The following PSMD1 variants were observed in gnomAD, a reference collection of about 807,000 sequenced individuals.
PSMD1 encodes the protein proteasome 26S subunit, non-ATPase 1.
In PSMD1, 18 loss-of-function variants were observed where a neutral mutation model predicts 119.0. The observed-to-expected ratio is 0.15, with a 90% CI of 0.10 to 0.22. The LOEUF (loss-of-function observed/expected upper bound fraction) is 0.22. Ranked by LOEUF, PSMD1 falls within the 10% of genes least tolerant of loss-of-function variation. The pLI, the probability that PSMD1 is intolerant of heterozygous loss-of-function variation, is 1.00. For missense variants in PSMD1, 702 were observed against 1,158.5 expected, an observed-to-expected ratio of 0.61 and a Z score of 5.72; for synonymous variants, 374 against 396.6, an observed-to-expected ratio of 0.94 and a Z score of 0.68.
chr2:231,076,060 A>C (rs1416197328), intron 8 of PSMD1, among the ~76,000 whole-genome samples: 1 of 152,230 alleles, frequency 6.6e-6, no homozygotes, highest in African/African-American at 2.4e-5. Flanking sequence ...TTAAAGTTTT[A>C]AAAATTGATC....
intron 16 of PSMD1, among the ~76,000 whole-genome samples, chr2:231,118,641 G>GA (rs939548896): frequency 3.0e-4 from 46 of 152,066 alleles, no homozygotes; most frequent in African/African-American, 1.0e-3. Context: ...AGTTTTACTA[G>GA]AAACCCCGTA....
intron 16 of PSMD1, among the ~76,000 whole-genome samples, chr2:231,094,609 A>G (rs1337117473): frequency 6.6e-6 from 1 of 152,230 alleles, no homozygotes; most frequent in African/African-American, 2.4e-5. Flanking sequence ...TCTGAGTGCT[A>G]GTAAATCCAG....
At chr2:231,079,423 G>A (rs1307833301) in intron 10 of PSMD1, 113 bp from the exon 11 acceptor site, 1 of 547,200 alleles carries the variant, frequency 1.8e-6, no homozygotes, top group Non-Finnish European at 3.1e-6. Flanking sequence ...GATCCACAAA[G>A]TAATTTGGAA....
intron 22 of PSMD1, 39 bp from the exon 23 acceptor site, chr2:231,165,832 T>C: frequency 1.3e-6 from 2 of 1,488,384 alleles, no homozygotes; most frequent in South Asian, 1.2e-5. Flanking sequence ...GGAACAGAAA[T>C]GAACTTCTGT....
Position 231,170,746 on chromosome 2 carries a change from G to A in PSMD1, c.*9+25G>A. ...GGTGCGTGTGCAACAAAATTATGAA[G>A]GGAAACTTCTTTGTCAATACTTCAC... On this transcript the variant is annotated intron_variant, in intron 24 of 24. Coordinates refer to ENST00000308696, the MANE Select transcript of PSMD1 (RefSeq NM_002807.4). This position sits in a 1 kb window ranked among gnomAD's most constrained non-coding sequence, Gnocchi z 4.1. The A allele has an allele frequency of 1.9e-6, 3 of 1,544,206 alleles. No homozygotes were observed. The highest frequency in any genetic ancestry group is 2.6e-6 in the Non-Finnish European group (3 of 1,145,222).
chr2:231,168,196 C>A (rs964710244), intron 23 of PSMD1, among the ~76,000 whole-genome samples: 10 of 152,174 alleles, frequency 6.6e-5, no homozygotes, highest in Admixed American at 5.2e-4. Context: ...GAAATTGGAA[C>A]CCTCATAGAG....
At chr2:231,165,041 TATATATA>T (rs1696738030) in intron 21 of PSMD1, 152 bp from the exon 22 acceptor site, 5 of 9,438 alleles carry the variant, frequency 5.3e-4, no homozygotes, top group Admixed American at 1.8e-3. Flanking sequence ...TATTTATATA[TATATATA>T]TATATATATA....
At chr2:231,140,151 T>A (rs775439227) in intron 17 of PSMD1, among the ~76,000 whole-genome samples, 16 of 152,180 alleles carry the variant, frequency 1.1e-4, no homozygotes, top group Non-Finnish European at 2.2e-4. Context: ...ATGGACTGAT[T>A]CCAGGAATCT....
intron 23 of PSMD1, 147 bp downstream of exon 23, chr2:231,166,164 C>A (rs1574781119): frequency 1.1e-6 from 1 of 941,378 alleles, no homozygotes; most frequent in Non-Finnish European, 1.5e-6. Context: ...AGAGAATGTT[C>A]TTTTCCATTT....
At chr2:231,146,664 A>T (rs1462400010) in intron 18 of PSMD1, among the ~76,000 whole-genome samples, 1 of 152,226 alleles carries the variant, frequency 6.6e-6, no homozygotes, top group African/African-American at 2.4e-5. Flanking sequence ...TCCTTTTAAA[A>T]TGTATTCAGT....
chr2:231,087,370 A>G (rs997919855), intron 16 of PSMD1, among the ~76,000 whole-genome samples, 189 bp downstream of exon 16: 1 of 152,226 alleles, frequency 6.6e-6, no homozygotes, highest in African/African-American at 2.4e-5. Flanking sequence ...AACAAAGCAT[A>G]TCATGGGATT....
chr2:231,113,098 A>G (rs562537608), intron 16 of PSMD1, among the ~76,000 whole-genome samples: 1 of 152,282 alleles, frequency 6.6e-6, no homozygotes, highest in East Asian at 1.9e-4. Context: ...CGGGAAGTCG[A>G]GGCAGCAGTG....
intron 16 of PSMD1, among the ~76,000 whole-genome samples, chr2:231,129,653 G>A (rs1213298393): frequency 1.3e-5 from 2 of 152,130 alleles, no homozygotes; most frequent in Admixed American, 6.5e-5. Context: ...TAAGTTATAT[G>A]TATTCACTAT....
rs747893231 is a variant in PSMD1 at position 231,067,030 on chromosome 2, T to A, written c.429T>A (p.Asp143Glu). ...ATAAAATGTTCCAGCGATGTCTAGATGATCACAAGTATAAACAGGCTATTG... is the reference window on the plus strand; with the variant it reads ...ATAAAATGTTCCAGCGATGTCTAGAAGATCACAAGTATAAACAGGCTATTG... Reference protein sequence around the residue: ...IVNKMFQRCLDDHKYKQAIGI... With the variant: ...IVNKMFQRCLEDHKYKQAIGI... Residue 143 changes from aspartate to glutamate, a missense_variant, in exon 5 of 25, where the codon GAT becomes GAA. Coordinates refer to ENST00000308696, the MANE Select transcript of PSMD1 (RefSeq NM_002807.4). 1 of 1,613,990 alleles carries A rather than the reference T, an allele frequency of 6.2e-7. No homozygotes were observed. Among genetic ancestry groups the A allele is most frequent in the Non-Finnish European group, 8.5e-7 (1 of 1,179,986 alleles).
chr2:231,116,953 T>G (rs1347185317), intron 16 of PSMD1, among the ~76,000 whole-genome samples: 3 of 151,996 alleles, frequency 2.0e-5, no homozygotes, highest in African/African-American at 7.2e-5. Flanking sequence ...AATAGAAACC[T>G]TATATACAAC....
chr2:231,166,738 A>T (rs1388881951), intron 23 of PSMD1, among the ~76,000 whole-genome samples: 1 of 152,196 alleles, frequency 6.6e-6, no homozygotes, highest in Non-Finnish European at 1.5e-5. Context: ...TCTGTCTAAA[A>T]TGTCAGAGAT....
intron 17 of PSMD1, among the ~76,000 whole-genome samples, chr2:231,142,821 AGT>A (rs1169146517): frequency 6.6e-6 from 1 of 152,178 alleles, no homozygotes; most frequent in African/African-American, 2.4e-5. Flanking sequence ...CCCTGTGCAC[AGT>A]GTCATTACAT....
At chr2:231,113,459 A>G (rs1399660506) in intron 16 of PSMD1, among the ~76,000 whole-genome samples, 8 of 152,256 alleles carry the variant, frequency 5.3e-5, no homozygotes, top group Non-Finnish European at 2.9e-5. Context: ...TTCTGCATAT[A>G]GAAATCTAAG....
At chr2:231,144,366 C>T (rs1696203957) in intron 17 of PSMD1, among the ~76,000 whole-genome samples, 1 of 151,482 alleles carries the variant, frequency 6.6e-6, no homozygotes, top group Non-Finnish European at 1.5e-5. Flanking sequence ...ATTCTCCAGC[C>T]TCAGCCTCCT....
Sources: allele counts gnomAD v4.1 joint callset (sites outside exome capture counted in the v4.1 genomes callset), GRCh38; gene constraint gnomAD v4.1.1; non-coding constraint Gnocchi (gnomAD v3.1); transcripts MANE v1.5; gene names NCBI Gene and HGNC (gene_info 2026-07-23, HGNC 2026-07-21).